The following CYFIP1 variants were observed in gnomAD, a reference collection of about 807,000 sequenced individuals.
CYFIP1 encodes cytoplasmic FMR1-interacting protein 1.
A neutral mutation model predicts 163.5 loss-of-function variants in CYFIP1; 58 were observed. The ratio of observed to expected loss-of-function variants is 0.35; its 90% CI spans 0.29 to 0.44. The LOEUF (loss-of-function observed/expected upper bound fraction) is 0.44, where lower values mean the gene tolerates loss of function less well. Among genes scored for constraint, CYFIP1 ranks in the 20% least tolerant of loss-of-function variants. The probability of loss-of-function intolerance (pLI) is 1.00; values close to 1 mark genes in which losing one functional copy is unlikely to be tolerated. For synonymous variants in CYFIP1, 663 were observed against 660.7 expected (o/e 1.00, Z -0.05); for missense variants, 1,338 against 1,653.8 (o/e 0.81, Z 3.31).
intron 6 of CYFIP1, among the ~76,000 whole-genome samples, chr15:22,942,367 C>G (rs1445800416): frequency 6.6e-6 from 1 of 152,224 alleles, no homozygotes; most frequent in Admixed American, 6.5e-5. Flanking sequence ...GCATCTCATT[C>G]CAGCAAAACA....
intron 14 of CYFIP1, 99 bp from the exon 15 acceptor site, chr15:22,918,034 GCCC>G: frequency 7.3e-7 from 1 of 1,371,216 alleles, no homozygotes; most frequent in Non-Finnish European, 1.0e-6. Context: ...TCTCAGAACA[GCCC>G]CCATGAAAAT....
chr15:22,909,446 A>G (rs1595572195), intron 20 of CYFIP1, 133 bp from the exon 21 acceptor site: 4 of 1,010,516 alleles, frequency 4.0e-6, no homozygotes, highest in East Asian at 2.4e-5. Context: ...TTCAAGACCC[A>G]TCTCCCCACA....
chr15:22,867,087 A>G lies in CYFIP1; in HGVS notation c.*2941T>C, dbSNP rs1240429161. On this transcript the variant is annotated 3_prime_UTR_variant, in exon 31 of 31. Coordinates refer to ENST00000617928, the MANE Select transcript of CYFIP1 (RefSeq NM_014608.6). ...CATTTTATTGTTGTAGAAGTATTTTACATTTTCATCCCTTCTCCAAAAGCC... is the reference window on the plus strand; with the variant it reads ...CATTTTATTGTTGTAGAAGTATTTTGCATTTTCATCCCTTCTCCAAAAGCC... 4.0e-6 allele frequency: 2 copies of G among 496,490 alleles called. No individual in the cohort carries two copies. The highest frequency in any genetic ancestry group is 3.2e-5 in the East Asian group (1 of 31,716). 30.8% of individuals were successfully genotyped at this position (496,490 alleles called of 1,614,324 possible).
intron 1 of CYFIP1, among the ~76,000 whole-genome samples, chr15:22,959,606 G>A (rs908440335): frequency 3.3e-5 from 5 of 152,208 alleles, no homozygotes; most frequent in African/African-American, 4.8e-5. Flanking sequence ...CAATTCCACC[G>A]CTGGCCATTC....
rs2059496806 is a variant in CYFIP1, at chr15:22,873,599, G to C, written c.3341C>G (p.Pro1114Arg). 1.9e-6 allele frequency: 3 copies of C among 1,614,254 alleles called. No individual in the cohort carries two copies. The highest frequency in any genetic ancestry group is 2.5e-6 in the Non-Finnish European group (3 of 1,180,048). Residue 1114 changes from proline to arginine, a missense_variant, in exon 29 of 31, where the codon CCC becomes CGC. Around this residue, in one of 4 missense-constraint regions of CYFIP1, gnomAD observed 306 missense variants for 322.1 expected, o/e 0.95. Coordinates refer to ENST00000617928, the MANE Select transcript of CYFIP1 (RefSeq NM_014608.6). ...GTCCACATGCATGACCCCATTGCTG[G>C]GCAGAGGCCCGCGCCAGATGGGGTC... ...LDDPIWRGPL[P>R]SNGVMHVDEC...
At chr15:22,937,797 G>C (rs955104035) in intron 8 of CYFIP1, among the ~76,000 whole-genome samples, 2 of 151,874 alleles carry the variant, frequency 1.3e-5, no homozygotes, top group African/African-American at 4.8e-5. Flanking sequence ...TAGAGATGGG[G>C]TTTCACCATG....
chr15:22,936,009 G>A (rs1222044202), intron 9 of CYFIP1, among the ~76,000 whole-genome samples: 1 of 152,246 alleles, frequency 6.6e-6, no homozygotes, highest in South Asian at 2.1e-4. Context: ...CAGTGGCTCA[G>A]GCCTGTAATC....
intron 1 of CYFIP1, among the ~76,000 whole-genome samples, chr15:22,974,525 C>T (rs960707946): frequency 9.9e-5 from 15 of 152,064 alleles, no homozygotes; most frequent in East Asian, 7.7e-4. Flanking sequence ...GCCAGGAGTT[C>T]GAGACCAGCC....
intron 3 of CYFIP1, chr15:22,946,768 T>C (rs1390976632): frequency 6.0e-6 from 4 of 668,808 alleles, no homozygotes; most frequent in South Asian, 4.5e-5. Flanking sequence ...AGGTGCACCC[T>C]TGAAACGCTG....
At chr15:22,916,738 C>T (rs374541910) in intron 15 of CYFIP1, 108 bp from the exon 16 acceptor site, 21 of 1,612,806 alleles carry the variant, frequency 1.3e-5, no homozygotes, top group African/African-American at 1.1e-4. Flanking sequence ...ACGCCCTGGT[C>T]GGGAGGGCCC....
In CYFIP1 at chr15:22,868,466, A is replaced by AT. The variant is rs1487601057; in HGVS notation, c.*1561dup. The AT allele has an allele frequency of 2.1e-5, 3 of 145,450 alleles. No individual in the cohort carries two copies. The highest frequency in any genetic ancestry group is 2.9e-5 in the Non-Finnish European group (2 of 67,994). The allele number at this position is 145,450 out of a possible 1,614,324, so 9.0% of individuals were successfully genotyped here. A position where few individuals can be genotyped will look rare whatever the true frequency, so the allele number is the denominator to read the frequency against. On this transcript the variant is annotated 3_prime_UTR_variant, in exon 31 of 31. Coordinates refer to ENST00000617928, the MANE Select transcript of CYFIP1 (RefSeq NM_014608.6). The stretch of plus-strand genomic sequence containing the variant: ...TAAGCCTTATAAAACTTGGTAATTG[A>AT]TTAAGTTTTACCATAATTTTTCATC...
chr15:22,879,962 C>T lies in CYFIP1; in HGVS notation c.2993G>A (p.Arg998Gln), dbSNP rs1465237404. Residue 998 changes from arginine (R) to glutamine (Q), a missense_variant, in exon 26 of 31, where the codon CGG becomes CAG. Arg to Gln is a conservative substitution (Grantham distance 43). Transcript: ENST00000617928. ...ELKTVCFQNL[R>Q]EVGNAILFCL... ...GAAGAGGATGGCGTTCCCCACCTCC[C>T]GCAGGTTCTGGAAGCACACCGTCTT... 3.1e-6 allele frequency: 5 copies of T among 1,613,734 alleles called. No individual in the cohort carries two copies. Among genetic ancestry groups the T allele is most frequent in the Non-Finnish European group, 4.2e-6 (5 of 1,180,008 alleles).
At chr15:22,940,508 G>C (rs888531046) in intron 6 of CYFIP1, among the ~76,000 whole-genome samples, 1 of 152,144 alleles carries the variant, frequency 6.6e-6, no homozygotes, top group Non-Finnish European at 1.5e-5. Context: ...ATGACAGCTG[G>C]AGCTTAAGCA....
intron 16 of CYFIP1, 134 bp from the exon 17 acceptor site, chr15:22,915,016 T>A: frequency 1.1e-6 from 1 of 881,206 alleles, no homozygotes; most frequent in Non-Finnish European, 1.6e-6. Flanking sequence ...TGGACATGAG[T>A]GGGGAGGGGT....
chr15:22,958,436 A>C (rs1225463632), intron 1 of CYFIP1, among the ~76,000 whole-genome samples: 2 of 152,212 alleles, frequency 1.3e-5, no homozygotes, highest in Admixed American at 1.3e-4. Context: ...ACTCAAAACC[A>C]GCTCAAAAGA....
chr15:22,881,809 A>G (rs2059771222), intron 25 of CYFIP1, 37 bp downstream of exon 25: 1 of 1,590,452 alleles, frequency 6.3e-7, no homozygotes, highest in Admixed American at 1.7e-5. Context: ...TGACCTCTCC[A>G]CAGACAGCAC....
chr15:22,910,155 A>G (rs914627962), intron 20 of CYFIP1, among the ~76,000 whole-genome samples: 3 of 148,946 alleles, frequency 2.0e-5, no homozygotes, highest in Admixed American at 6.7e-5. Context: ...AATCTCAATC[A>G]TTTTTTTTTT....
chr15:22,911,478 C>T (rs2060786561), intron 18 of CYFIP1, among the ~76,000 whole-genome samples: 1 of 152,188 alleles, frequency 6.6e-6, no homozygotes, highest in Non-Finnish European at 1.5e-5. Flanking sequence ...TTCCCTGGAG[C>T]AAAGCGGCTG....
At chr15:22,944,535 C>A in intron 5 of CYFIP1, 23 bp downstream of exon 5, 1 of 1,537,428 alleles carries the variant, frequency 6.5e-7, no homozygotes, top group Non-Finnish European at 9.0e-7. Flanking sequence ...GTTACACCCC[C>A]CCCAGATTAT....
Sources: gnomAD v4.1 joint callset for allele counts (sites outside exome capture counted in the v4.1 genomes callset) on GRCh38, gnomAD v4.1.1 for gene constraint, gnomAD v4.1.1 regional missense constraint, MANE v1.5 for transcripts, NCBI Gene and HGNC (gene_info 2026-07-23, HGNC 2026-07-21) for gene names.